Variants in PDE10A observed in about 807,000 individuals in gnomAD.
PDE10A encodes the protein phosphodiesterase 10A, also known as cAMP and cAMP-inhibited cGMP 3',5'-cyclic phosphodiesterase 10A.
PDE10A carries 39 observed loss-of-function variants against 97.7 expected under a neutral mutation model. That is an observed-to-expected ratio of 0.40 (90% CI 0.31 to 0.52). PDE10A has a LOEUF of 0.52. Ranked by LOEUF, PDE10A falls within the 20% of genes least tolerant of loss-of-function variation. The pLI, the probability that PDE10A is intolerant of heterozygous loss-of-function variation, is 0.56. For synonymous variants in PDE10A, 371 were observed against 376.8 expected, an observed-to-expected ratio of 0.98 and a Z score of 0.18; for missense variants, 731 against 1,047.8, an observed-to-expected ratio of 0.70 and a Z score of 4.17.
At chr6:165,693,970 A>G (rs1327007615) in intron 1 of PDE10A, among the ~76,000 whole-genome samples, 1 of 152,200 alleles carries the variant, frequency 6.6e-6, no homozygotes, top group Admixed American at 6.5e-5. Flanking sequence ...TTTTTATAAA[A>G]TTTATTCTGG....
intron 1 of PDE10A, among the ~76,000 whole-genome samples, chr6:165,836,981 C>G (rs1029661679): frequency 1.4e-5 from 2 of 142,392 alleles, no homozygotes; most frequent in African/African-American, 5.3e-5. Flanking sequence ...TTCTCACTCA[C>G]AGGTGGGAAT....
intron 1 of PDE10A, among the ~76,000 whole-genome samples, chr6:165,567,627 T>C (rs991007925): frequency 3.3e-5 from 5 of 152,174 alleles, no homozygotes; most frequent in African/African-American, 1.2e-4. Context: ...ACAGGCTCAG[T>C]AACCAGGTAT....
At chr6:165,789,290 G>A (rs1778582984) in intron 1 of PDE10A, among the ~76,000 whole-genome samples, 1 of 152,208 alleles carries the variant, frequency 6.6e-6, no homozygotes, top group Non-Finnish European at 1.5e-5. Context: ...AATGTAGTCA[G>A]ATTTGTACAA....
intron 3 of PDE10A, among the ~76,000 whole-genome samples, chr6:165,464,542 TAC>T (rs1778522104): frequency 6.6e-6 from 1 of 152,216 alleles, no homozygotes; most frequent in Non-Finnish European, 1.5e-5. Context: ...AGGTAAAATT[TAC>T]AGACACTGAA....
At chr6:165,839,677 G>T (rs900603056) in intron 1 of PDE10A, among the ~76,000 whole-genome samples, 2 of 124,844 alleles carry the variant, frequency 1.6e-5, no homozygotes, top group African/African-American at 6.0e-5. Context: ...CCATCCTGAT[G>T]TCCGTGTCCA....
intron 1 of PDE10A, among the ~76,000 whole-genome samples, chr6:165,933,091 C>T (rs545088824): frequency 6.6e-6 from 1 of 152,218 alleles, no homozygotes; most frequent in South Asian, 2.1e-4. Flanking sequence ...AGGAGTCTTC[C>T]TTGGGGAGCA....
intron 13 of PDE10A, among the ~76,000 whole-genome samples, chr6:165,397,620 TG>T (rs1326618041): frequency 6.7e-6 from 1 of 148,314 alleles, no homozygotes; most frequent in East Asian, 2.0e-4. Flanking sequence ...GAGAATCGCT[TG>T]AACCTGGGAG....
At chr6:165,580,157 A>G (rs1785534048) in intron 1 of PDE10A, among the ~76,000 whole-genome samples, 1 of 152,226 alleles carries the variant, frequency 6.6e-6, no homozygotes, top group African/African-American at 2.4e-5. Context: ...TGCCTGCTCA[A>G]TAGCAGGTGC....
chr6:165,971,900 G>A (rs997475713), intron 1 of PDE10A, among the ~76,000 whole-genome samples: 14 of 152,082 alleles, frequency 9.2e-5, no homozygotes, highest in Non-Finnish European at 1.8e-4. Context: ...TCTTGAAGGG[G>A]AAAATAAAGA....
chr6:165,740,909 A>G (rs2128453305), intron 1 of PDE10A, among the ~76,000 whole-genome samples: 2 of 152,312 alleles, frequency 1.3e-5, no homozygotes, highest in East Asian at 1.9e-4. Context: ...CAAAGCACAC[A>G]AAGTTTCAGT....
chr6:165,717,555 G>C (rs1792055119), intron 1 of PDE10A, among the ~76,000 whole-genome samples: 1 of 150,578 alleles, frequency 6.6e-6, no homozygotes. Context: ...CTGCATTCCA[G>C]CCTGGGCTAC....
chr6:165,915,285 G>A (rs112963370), intron 1 of PDE10A, among the ~76,000 whole-genome samples: 1,762 of 152,238 alleles, frequency 0.012, 28 homozygotes, highest in African/African-American at 0.038. Context: ...GCTGTGACAA[G>A]GTCCCTTTCC....
chr6:165,718,649 C>A (rs1335755449), intron 1 of PDE10A, among the ~76,000 whole-genome samples: 1 of 151,338 alleles, frequency 6.6e-6, no homozygotes, highest in South Asian at 2.1e-4. Context: ...CCCACCTTTT[C>A]CCCCCGGACG....
At chr6:165,777,009 A>G (rs1778205417) in intron 1 of PDE10A, among the ~76,000 whole-genome samples, 1 of 152,102 alleles carries the variant, frequency 6.6e-6, no homozygotes, top group Non-Finnish European at 1.5e-5. Flanking sequence ...TTCACTTTAA[A>G]ACTGAGGAGG....
chr6:165,571,762 AGCTGT>A (rs952764744), intron 1 of PDE10A, among the ~76,000 whole-genome samples: 3 of 152,198 alleles, frequency 2.0e-5, no homozygotes, highest in Non-Finnish European at 4.4e-5. Flanking sequence ...CACTGTTTGA[AGCTGT>A]GCTGCAAATA....
intron 1 of PDE10A, among the ~76,000 whole-genome samples, chr6:165,678,551 TA>T (rs1439178194): frequency 2.0e-5 from 3 of 152,148 alleles, no homozygotes; most frequent in Non-Finnish European, 4.4e-5. Flanking sequence ...ATAAAGTTGT[TA>T]ACCCCGCTCC....
At chr6:165,494,577 A>G (rs1273103544) in intron 2 of PDE10A, among the ~76,000 whole-genome samples, 2 of 150,836 alleles carry the variant, frequency 1.3e-5, no homozygotes, top group Non-Finnish European at 3.0e-5. Flanking sequence ...CAGAATAAAG[A>G]AAGGTGATCA....
chr6:165,497,622 A>G (rs1218299978), intron 2 of PDE10A, among the ~76,000 whole-genome samples: 1 of 152,298 alleles, frequency 6.6e-6, no homozygotes, highest in East Asian at 1.9e-4. Context: ...AGTTTACTTC[A>G]TAGAACTTAG....
chr6:165,360,927 C>T (rs891365026), intron 18 of PDE10A, among the ~76,000 whole-genome samples: 1 of 152,118 alleles, frequency 6.6e-6, no homozygotes, highest in Non-Finnish European at 1.5e-5. Flanking sequence ...AGGCTTAATA[C>T]TGGGGGGTTC....
Sources: gnomAD v4.1 joint callset for allele counts (sites outside exome capture counted in the v4.1 genomes callset) on GRCh38, gnomAD v4.1.1 for gene constraint, MANE v1.5 for transcripts, NCBI Gene and HGNC (gene_info 2026-07-23, HGNC 2026-07-21) for gene names.